The following CHRM3 variants were observed in gnomAD, a reference collection of about 807,000 sequenced individuals.
The protein encoded by CHRM3 is cholinergic receptor muscarinic 3.
CHRM3 carries 11 observed loss-of-function variants against 41.8 expected under a neutral mutation model. That is an observed-to-expected ratio of 0.26 (90% CI 0.17 to 0.44). The LOEUF (loss-of-function observed/expected upper bound fraction) is 0.44, where lower values mean the gene tolerates loss of function less well. Ranked by LOEUF, CHRM3 falls within the 20% of genes least tolerant of loss-of-function variation. CHRM3 has a pLI of 1.00. For synonymous variants in CHRM3, 297 were observed against 301.4 expected, an observed-to-expected ratio of 0.99 and a Z score of 0.15; for missense variants, 571 against 745.4, an observed-to-expected ratio of 0.77 and a Z score of 2.72.
At chr1:239,444,659 T>G (rs1663992583) in intron 1 of CHRM3, among the ~76,000 whole-genome samples, 1 of 152,084 alleles carries the variant, frequency 6.6e-6, no homozygotes, top group African/African-American at 2.4e-5. Flanking sequence ...TTATATTAGG[T>G]CAGTGCAAAA....
At chr1:239,596,709 A>T (rs1422181067) in intron 3 of CHRM3, among the ~76,000 whole-genome samples, 1 of 152,212 alleles carries the variant, frequency 6.6e-6, no homozygotes, top group Non-Finnish European at 1.5e-5. Context: ...TGTATATTTC[A>T]GTGTCTAGAA....
intron 6 of CHRM3, among the ~76,000 whole-genome samples, chr1:239,857,436 A>C (rs1227905643): frequency 6.6e-6 from 1 of 152,198 alleles, no homozygotes; most frequent in African/African-American, 2.4e-5. Context: ...CCCTAAAGAT[A>C]AGTTTTATTG....
intron 5 of CHRM3, among the ~76,000 whole-genome samples, chr1:239,765,053 G>T (rs1667092769): frequency 6.6e-6 from 1 of 152,182 alleles, no homozygotes; most frequent in Admixed American, 6.5e-5. Context: ...ACTTACAACA[G>T]TGTGAAAATG....
At chr1:239,503,680 A>T (rs933471756) in intron 2 of CHRM3, among the ~76,000 whole-genome samples, 4 of 152,234 alleles carry the variant, frequency 2.6e-5, no homozygotes, top group African/African-American at 9.6e-5. Flanking sequence ...ATAAGGCCAT[A>T]GTCAACAAAA....
intron 1 of CHRM3, among the ~76,000 whole-genome samples, chr1:239,429,003 T>C (rs953328182): frequency 1.3e-5 from 2 of 152,222 alleles, no homozygotes; most frequent in East Asian, 1.9e-4. Context: ...TTTAGAAATA[T>C]ACACATGAGG....
intron 2 of CHRM3, among the ~76,000 whole-genome samples, chr1:239,510,538 AT>A (rs1295995183): frequency 3.2e-3 from 456 of 142,568 alleles, no homozygotes; most frequent in Middle Eastern, 7.2e-3. Context: ...AACCCCTCAG[AT>A]TTTTTTTTTT....
At chr1:239,564,381 C>T (rs972252932) in intron 3 of CHRM3, among the ~76,000 whole-genome samples, 2 of 151,992 alleles carry the variant, frequency 1.3e-5, no homozygotes, top group African/African-American at 2.4e-5. Flanking sequence ...GCTTAAATCA[C>T]GCAATTTAAA....
intron 1 of CHRM3, among the ~76,000 whole-genome samples, chr1:239,469,435 G>A (rs530930325): frequency 6.3e-4 from 96 of 152,290 alleles, no homozygotes; most frequent in Middle Eastern, 3.4e-3. Context: ...ACAAATGCAC[G>A]TTTGAGGAAC....
chr1:239,401,291 A>G (rs2102979053), intron 1 of CHRM3, among the ~76,000 whole-genome samples: 1 of 152,216 alleles, frequency 6.6e-6, no homozygotes, highest in Non-Finnish European at 1.5e-5. Flanking sequence ...TGTGCTCCAT[A>G]ACACTTTTCT....
intron 2 of CHRM3, among the ~76,000 whole-genome samples, chr1:239,521,476 C>T (rs1160529299): frequency 6.6e-6 from 1 of 152,176 alleles, no homozygotes; most frequent in Non-Finnish European, 1.5e-5. Context: ...CTGGAATTCT[C>T]AAGTGGTGAC....
intron 1 of CHRM3, among the ~76,000 whole-genome samples, chr1:239,401,132 C>T (rs1216688186): frequency 2.6e-5 from 4 of 152,106 alleles, no homozygotes; most frequent in Non-Finnish European, 5.9e-5. Context: ...AGGCCTAGAC[C>T]GTGTTAAGCT....
chr1:239,671,804 G>A (rs1363452654), intron 4 of CHRM3, among the ~76,000 whole-genome samples: 1 of 151,932 alleles, frequency 6.6e-6, no homozygotes, highest in Non-Finnish European at 1.5e-5. Context: ...TTTATCAAGG[G>A]CCAAGCCTGG....
intron 6 of CHRM3, among the ~76,000 whole-genome samples, chr1:239,868,222 G>T (rs1486119508): frequency 6.6e-6 from 1 of 152,206 alleles, no homozygotes; most frequent in Non-Finnish European, 1.5e-5. Flanking sequence ...GGGAACTCCT[G>T]CGGCGTGATG....
intron 3 of CHRM3, among the ~76,000 whole-genome samples, chr1:239,585,979 G>T (rs1014525269): frequency 6.6e-6 from 1 of 152,096 alleles, no homozygotes; most frequent in African/African-American, 2.4e-5. Context: ...ACATAATTTT[G>T]CCTAGGAGAA....
chr1:239,836,701 G>T lies in CHRM3; in HGVS notation c.-20+9323G>T, dbSNP rs529056099. ...CATATAAGATAGGTGGAGGGGGCCTGGCGTGGTGGCTCACGTCTGTAATCT... is the reference window on the plus strand; with the variant it reads ...CATATAAGATAGGTGGAGGGGGCCTTGCGTGGTGGCTCACGTCTGTAATCT... On this transcript the variant is annotated intron_variant, in intron 6 of 6. Transcript: ENST00000676153. Among the ~76,000 whole-genome samples the T allele has an allele frequency of 3.3e-4, 50 of 152,288 alleles. 1 individual carries two copies. Among genetic ancestry groups the T allele is most frequent in the Admixed American group, 5.2e-4 (8 of 15,294 alleles).
chr1:239,529,839 C>T (rs997696341), intron 2 of CHRM3, among the ~76,000 whole-genome samples: 2 of 152,070 alleles, frequency 1.3e-5, no homozygotes, highest in Admixed American at 1.3e-4. Context: ...CTATTAAAAA[C>T]AAGTTTACTA....
intron 5 of CHRM3, among the ~76,000 whole-genome samples, chr1:239,804,306 G>A (rs1315081547): frequency 6.6e-6 from 1 of 151,408 alleles, no homozygotes; most frequent in East Asian, 2.0e-4. Context: ...CTTTCCTTCA[G>A]TTCATCCCAT....
intron 4 of CHRM3, among the ~76,000 whole-genome samples, chr1:239,638,731 G>C (rs1670765674): frequency 6.6e-6 from 1 of 152,110 alleles, no homozygotes; most frequent in African/African-American, 2.4e-5. Context: ...CACTCTGATG[G>C]TAGTTTCTTT....
chr1:239,833,367 T>C (rs1673048802), intron 6 of CHRM3, among the ~76,000 whole-genome samples: 1 of 152,162 alleles, frequency 6.6e-6, no homozygotes, highest in Non-Finnish European at 1.5e-5. Flanking sequence ...TAGTCTAGAC[T>C]CAGGCTTGGT....
Sources: gnomAD v4.1 joint callset for allele counts (sites outside exome capture counted in the v4.1 genomes callset) on GRCh38, gnomAD v4.1.1 for gene constraint, MANE v1.5 for transcripts, NCBI Gene and HGNC (gene_info 2026-07-23, HGNC 2026-07-21) for gene names.